Variants in PPP3CC observed in about 807,000 individuals in gnomAD.
The protein encoded by PPP3CC is serine/threonine-protein phosphatase 2B catalytic subunit gamma isoform.
A neutral mutation model predicts 60.3 loss-of-function variants in PPP3CC; 35 were observed. The ratio of observed to expected loss-of-function variants is 0.58; its 90% CI spans 0.44 to 0.77. The LOEUF (loss-of-function observed/expected upper bound fraction) is 0.77, where lower values mean the gene tolerates loss of function less well. PPP3CC is among the 30% of genes least tolerant of loss of function. The pLI is 0.00. For missense variants in PPP3CC, 570 were observed against 628.9 expected (o/e 0.91, Z 1.00); for synonymous variants, 206 against 224.3 (o/e 0.92, Z 0.73).
chr8:22,449,046 G>A (rs909815815), intron 1 of PPP3CC, among the ~76,000 whole-genome samples: 6 of 152,048 alleles, frequency 3.9e-5, no homozygotes, highest in Non-Finnish European at 8.8e-5. Flanking sequence ...GGAGTTCCAA[G>A]GCTTCAGTGA....
At chr8:22,510,894 T>G (rs1206057923) in intron 4 of PPP3CC, 192 bp from the exon 5 acceptor site, 33 of 559,566 alleles carry the variant, frequency 5.9e-5, no homozygotes, top group Non-Finnish European at 9.6e-5. Context: ...GTCACACTTG[T>G]CTTTAAGAGG....
intron 1 of PPP3CC, among the ~76,000 whole-genome samples, chr8:22,442,909 T>C (rs1421842283): frequency 2.0e-5 from 3 of 152,180 alleles, no homozygotes; most frequent in African/African-American, 7.2e-5. Flanking sequence ...ACCAGTTCAG[T>C]GTTTTGTTTG....
At chr8:22,444,203 C>T (rs1200649340) in intron 1 of PPP3CC, among the ~76,000 whole-genome samples, 1 of 151,050 alleles carries the variant, frequency 6.6e-6, no homozygotes, top group Non-Finnish European at 1.5e-5. Context: ...CTATAGTGAG[C>T]CAAGATTGTG....
chr8:22,486,868 T>C (rs1838241504), intron 3 of PPP3CC, among the ~76,000 whole-genome samples: 1 of 151,956 alleles, frequency 6.6e-6, no homozygotes. Context: ...TAGCTGGGAT[T>C]ACAGGCACCC....
intron 3 of PPP3CC, among the ~76,000 whole-genome samples, chr8:22,479,812 T>A (rs1295032582): frequency 2.0e-5 from 3 of 151,692 alleles, no homozygotes; most frequent in African/African-American, 7.3e-5. Context: ...CTGAGCGGGC[T>A]TTGGTATGTC....
chr8:22,529,476 C>T (rs1839644540), intron 10 of PPP3CC, among the ~76,000 whole-genome samples: 1 of 151,900 alleles, frequency 6.6e-6, no homozygotes, highest in South Asian at 2.1e-4. Context: ...TGTGACTTGT[C>T]AATTCATATC....
At chr8:22,494,064 G>A (rs1838489230) in intron 3 of PPP3CC, among the ~76,000 whole-genome samples, 1 of 152,092 alleles carries the variant, frequency 6.6e-6, no homozygotes, top group South Asian at 2.1e-4. Flanking sequence ...CCTGTATGTG[G>A]TGTGTTGTTG....
chr8:22,465,667 A>G (rs74435648), intron 1 of PPP3CC, among the ~76,000 whole-genome samples: 11,724 of 152,156 alleles, frequency 0.077, 1,246 homozygotes, highest in African/African-American at 0.24. Flanking sequence ...TGGCCCCTCA[A>G]TCTTGAACTT....
At chr8:22,469,406 T>A (rs982746606) in intron 1 of PPP3CC, among the ~76,000 whole-genome samples, 5 of 151,422 alleles carry the variant, frequency 3.3e-5, no homozygotes, top group African/African-American at 1.2e-4. Flanking sequence ...AAGATAGGAG[T>A]AGATTCAATG....
chr8:22,489,142 G>A (rs1050812239), intron 3 of PPP3CC, among the ~76,000 whole-genome samples: 1 of 151,998 alleles, frequency 6.6e-6, no homozygotes, highest in African/African-American at 2.4e-5. Context: ...AAAAGCAGGT[G>A]CAGGGAGACC....
intron 8 of PPP3CC, 38 bp from the exon 9 acceptor site, chr8:22,527,354 T>C: frequency 6.2e-7 from 1 of 1,608,244 alleles, no homozygotes; most frequent in Non-Finnish European, 8.5e-7. Context: ...CATGCCATGT[T>C]CCTCTGTGCC....
At chr8:22,474,790 C>T (rs540183178) in intron 1 of PPP3CC, among the ~76,000 whole-genome samples, 164 bp from the exon 2 acceptor site, 1 of 152,176 alleles carries the variant, frequency 6.6e-6, no homozygotes, top group African/African-American at 2.4e-5. Flanking sequence ...TAGAATTGAT[C>T]ATTTATGATA....
At chr8:22,492,656 C>G (rs1194426869) in intron 3 of PPP3CC, 9 of 694,078 alleles carry the variant, frequency 1.3e-5, no homozygotes, top group Non-Finnish European at 2.3e-5. Flanking sequence ...ACTTGCCAAA[C>G]TGCAGGCACA....
intron 1 of PPP3CC, among the ~76,000 whole-genome samples, chr8:22,472,495 G>C (rs1837760258): frequency 6.6e-6 from 1 of 151,488 alleles, no homozygotes; most frequent in South Asian, 2.1e-4. Flanking sequence ...TTCAGGAGCA[G>C]TAACAGGCAT....
chr8:22,524,813 T>A (rs1839497032), intron 8 of PPP3CC, among the ~76,000 whole-genome samples: 1 of 152,226 alleles, frequency 6.6e-6, no homozygotes, highest in Non-Finnish European at 1.5e-5. Context: ...TGTCTCAATC[T>A]AACCTGGTTT....
At chr8:22,522,836 C>A in intron 8 of PPP3CC, 87 bp downstream of exon 8, 3 of 938,172 alleles carry the variant, frequency 3.2e-6, no homozygotes, top group South Asian at 1.8e-5. Flanking sequence ...GTGTTTGTGT[C>A]ATTTTAAAAC....
chr8:22,460,966 C>T (rs1162694729), intron 1 of PPP3CC, among the ~76,000 whole-genome samples: 1 of 152,074 alleles, frequency 6.6e-6, no homozygotes, highest in East Asian at 1.9e-4. Flanking sequence ...CTGCCTTAGC[C>T]TCCCGAGTAG....
chr8:22,512,110 T>C (rs1458176390), intron 5 of PPP3CC, among the ~76,000 whole-genome samples: 4 of 152,206 alleles, frequency 2.6e-5, no homozygotes, highest in Admixed American at 6.6e-5. Context: ...TGAATTCTTC[T>C]ACCTGTCTCT....
At chr8:22,521,345 A>G (rs1046539645) in intron 6 of PPP3CC, among the ~76,000 whole-genome samples, 11 of 152,156 alleles carry the variant, frequency 7.2e-5, no homozygotes, top group African/African-American at 2.7e-4. Flanking sequence ...AGGGGCATCA[A>G]CAGACATGGT....
Sources: allele counts gnomAD v4.1 joint callset (sites outside exome capture counted in the v4.1 genomes callset), GRCh38; gene constraint gnomAD v4.1.1; transcripts MANE v1.5; gene names NCBI Gene and HGNC (gene_info 2026-07-23, HGNC 2026-07-21).